Variants in VPS13D observed in about 807,000 individuals in gnomAD.
VPS13D encodes vacuolar protein sorting 13 homolog D.
In VPS13D, 187 loss-of-function variants were observed where a neutral mutation model predicts 461.9. The ratio of observed to expected loss-of-function variants is 0.40; its 90% CI spans 0.36 to 0.46. VPS13D has a LOEUF of 0.46. VPS13D is among the 20% of genes least tolerant of loss of function. The probability of loss-of-function intolerance (pLI) is 0.60; values close to 1 mark genes in which losing one functional copy is unlikely to be tolerated. For synonymous variants in VPS13D, 1,951 were observed against 1,986.3 expected (o/e 0.98, Z 0.47); for missense variants, 4,711 against 5,364.9 (o/e 0.88, Z 3.81).
chr1:12,469,672 A>G (rs898479211), intron 67 of VPS13D, among the ~76,000 whole-genome samples: 4 of 152,252 alleles, frequency 2.6e-5, no homozygotes, highest in Non-Finnish European at 5.9e-5. Flanking sequence ...CTTCCTGCCA[A>G]CAGTTGTCAG....
At chr1:12,357,807 C>T (rs1643899487) in intron 49 of VPS13D, among the ~76,000 whole-genome samples, 3 of 152,102 alleles carry the variant, frequency 2.0e-5, no homozygotes, top group African/African-American at 4.8e-5. Context: ...GGTTTGAGAC[C>T]AGCCTGGCCA....
chr1:12,404,033 G>T, intron 63 of VPS13D, 60 bp downstream of exon 63: 3 of 1,474,596 alleles, frequency 2.0e-6, no homozygotes, highest in Non-Finnish European at 2.7e-6. Context: ...GAATGAGTGT[G>T]TTTACTATTT....
intron 2 of VPS13D, among the ~76,000 whole-genome samples, chr1:12,238,079 G>A (rs1317992562): frequency 2.0e-5 from 3 of 151,186 alleles, no homozygotes; most frequent in Non-Finnish European, 4.4e-5. Flanking sequence ...CACTTGCAGT[G>A]TGCTGTGGAG....
intron 68 of VPS13D, among the ~76,000 whole-genome samples, chr1:12,498,039 T>C (rs1277645933): frequency 6.6e-6 from 1 of 152,260 alleles, no homozygotes; most frequent in Non-Finnish European, 1.5e-5. Context: ...CAACTAATAG[T>C]TGGACATTTT....
In VPS13D at chr1:12,275,949, C is replaced by A. The variant is rs139977367; in HGVS notation, c.2361C>A (p.Asn787Lys). 2 of 1,613,884 alleles carry A rather than the reference C, an allele frequency of 1.2e-6. No homozygotes were observed. The highest frequency in any genetic ancestry group is 4.5e-5 in the East Asian group (2 of 44,846). Residue 787 changes from asparagine (N) to lysine (K), a missense_variant, in exon 19 of 70, where the codon AAC becomes AAA. Physicochemically the swap from Asn to Lys is moderately conservative, Grantham distance 94 (BLOSUM62 0). Around this residue, in one of 3 missense-constraint regions of VPS13D, gnomAD observed 4,411 missense variants for 4,937.8 expected, o/e 0.89. Transcript: ENST00000620676. ...CACCTCCCGAGTCAAGCAGCAGCAA[C>A]GGAGAGAAAACACCTCCCTTTTCTG... ...NTPPPESSSS[N>K]GEKTPPFSGV...
At chr1:12,251,988 T>C (rs553166240) in intron 6 of VPS13D, among the ~76,000 whole-genome samples, 1 of 152,266 alleles carries the variant, frequency 6.6e-6, no homozygotes, top group South Asian at 2.1e-4. Context: ...CGTCTCTCCT[T>C]GTCTAGTGGC....
Position 12,506,924 on chromosome 1 carries a change from G to A in VPS13D, c.12866G>A (p.Ser4289Asn), listed in dbSNP as rs374961698. 8.5e-5 allele frequency: 138 copies of A among 1,614,278 alleles called. 4 individuals carry two copies. In the South Asian group the frequency reaches 1.3e-3, roughly 16 times the overall value. Residue 4289 changes from serine (S) to asparagine (N), a missense_variant, in exon 69 of 70, where the codon AGT (serine) becomes AAT (asparagine). Transcript: ENST00000620676. The part of the protein sequence containing the change: ...ISSKAVYFLK[S>N]GDYVDREAIF... ...TCCAAAGCTGTTTACTTCCTGAAAA[G>A]TGGAGACTACGTGGATCGAGAAGCC...
intron 5 of VPS13D, among the ~76,000 whole-genome samples, chr1:12,247,663 CTTTT>C (rs202058060): frequency 6.8e-6 from 1 of 147,936 alleles, no homozygotes; most frequent in East Asian, 2.0e-4. Context: ...ACTTGTGTAT[CTTTT>C]TTTTGGAGAA....
intron 67 of VPS13D, among the ~76,000 whole-genome samples, chr1:12,478,190 G>A (rs1645659495): frequency 6.6e-6 from 1 of 152,252 alleles, no homozygotes; most frequent in African/African-American, 2.4e-5. Flanking sequence ...TGAGCAAACA[G>A]TCAGTGCCTG....
intron 67 of VPS13D, among the ~76,000 whole-genome samples, chr1:12,485,277 G>A (rs1326345649): frequency 6.6e-6 from 1 of 152,220 alleles, no homozygotes; most frequent in African/African-American, 2.4e-5. Context: ...GTTCTCTCCT[G>A]ACCTGACCGC....
chr1:12,461,534 A>T (rs1645412833), intron 67 of VPS13D, among the ~76,000 whole-genome samples: 1 of 152,200 alleles, frequency 6.6e-6, no homozygotes, highest in Non-Finnish European at 1.5e-5. Flanking sequence ...CCTTGAGTAT[A>T]TTTTGAAGCA....
chr1:12,279,658 C>A lies in VPS13D; in HGVS notation c.4602+8C>A. ...TTTGTCAATCCAGTTCAGGTAAATT[C>A]ATGTCAGGGCAGTTGAAGTCATATG... On this transcript the variant is annotated splice_region_variant and intron_variant, in intron 20 of 69. Transcript: ENST00000620676. This position sits in a 1 kb window ranked among gnomAD's most constrained non-coding sequence, Gnocchi z 4.3. The A allele has an allele frequency of 6.2e-7, 1 of 1,604,442 alleles. No individual in the cohort carries two copies. The highest frequency in any genetic ancestry group is 1.1e-5 in the South Asian group (1 of 90,010).
At chr1:12,325,792 A>G (rs1273818834) in intron 35 of VPS13D, among the ~76,000 whole-genome samples, 4 of 152,168 alleles carry the variant, frequency 2.6e-5, no homozygotes, top group African/African-American at 9.6e-5. Flanking sequence ...CTCTAAGGAT[A>G]TATTATAATT....
intron 63 of VPS13D, among the ~76,000 whole-genome samples, chr1:12,406,151 T>G (rs1255133583): frequency 3.9e-5 from 6 of 152,192 alleles, no homozygotes; most frequent in Non-Finnish European, 8.8e-5. Context: ...TAAGTTAATG[T>G]TTCCAGCAGG....
chr1:12,312,786 T>C (rs184103191), intron 29 of VPS13D, among the ~76,000 whole-genome samples: 1 of 152,312 alleles, frequency 6.6e-6, no homozygotes, highest in East Asian at 1.9e-4. Flanking sequence ...CAGGATTTTA[T>C]ATAAAAGGTT....
intron 25 of VPS13D, among the ~76,000 whole-genome samples, chr1:12,301,187 T>G (rs1642414548): frequency 6.6e-6 from 1 of 152,236 alleles, no homozygotes; most frequent in South Asian, 2.1e-4. Context: ...TGTGTTGGGT[T>G]TTCCCCCATA....
At position 12,400,258 on chromosome 1, in the gene VPS13D, C is replaced by G. The variant is rs202027166; in HGVS notation, c.11712C>G (p.Ile3904Met). 146 of 1,614,156 alleles carry G rather than the reference C, an allele frequency of 9.0e-5. No homozygotes were observed. The highest frequency in any genetic ancestry group is 1.2e-4 in the Non-Finnish European group (143 of 1,180,042). Residue 3904 changes from isoleucine to methionine, a missense_variant, in exon 61 of 70, where the codon ATC (isoleucine) becomes ATG (methionine). This residue lies in a region of VPS13D where 4,411 missense variants were observed against 4,937.8 expected (regional missense o/e 0.89). Transcript: ENST00000620676. ...CCCTGAGCAATGAGAATGAGGTCAT[C>G]GAGACCGGCCCAGCTGTGCAAGTCA... ...VTPLSNENEV[I>M]ETGPAVQVNA...
At chr1:12,267,385 C>A (rs1022233168) in intron 14 of VPS13D, among the ~76,000 whole-genome samples, 15 of 152,046 alleles carry the variant, frequency 9.9e-5, no homozygotes, top group Admixed American at 5.9e-4. Flanking sequence ...ACAGAAACAT[C>A]TCAAGTTTTC....
At chr1:12,351,678 G>A (rs1018791983) in intron 46 of VPS13D, among the ~76,000 whole-genome samples, 4 of 151,216 alleles carry the variant, frequency 2.6e-5, no homozygotes, top group African/African-American at 4.9e-5. Flanking sequence ...TGCAGCCTCC[G>A]CCTCCCAGGT....
Sources: allele counts gnomAD v4.1 joint callset (sites outside exome capture counted in the v4.1 genomes callset), GRCh38; gene constraint gnomAD v4.1.1; regional missense constraint gnomAD v4.1.1; non-coding constraint Gnocchi (gnomAD v3.1); transcripts MANE v1.5; gene names NCBI Gene and HGNC (gene_info 2026-07-23, HGNC 2026-07-21).